RABGAP1L: variants seen among roughly 807,000 people sequenced by gnomAD.
RABGAP1L encodes the protein RAB GTPase activating protein 1 like.
In RABGAP1L, 63 loss-of-function variants were observed where a neutral mutation model predicts 137.7. That is an observed-to-expected ratio of 0.46 (90% CI 0.37 to 0.56). RABGAP1L has a LOEUF of 0.56. Among genes scored for constraint, RABGAP1L ranks in the 20% least tolerant of loss-of-function variants. RABGAP1L has a pLI of 0.00. For missense variants in RABGAP1L, 1,095 were observed against 1,244.0 expected, an observed-to-expected ratio of 0.88 and a Z score of 1.80; for synonymous variants, 431 against 433.7, an observed-to-expected ratio of 0.99 and a Z score of 0.08.
chr1:174,209,692 C>G (rs952490663), intron 1 of RABGAP1L, among the ~76,000 whole-genome samples: 5 of 152,202 alleles, frequency 3.3e-5, no homozygotes, highest in Admixed American at 6.5e-5. Flanking sequence ...AGGGGAAGGA[C>G]ACAAACCTGG....
chr1:174,300,162 C>T (rs1228577807), intron 10 of RABGAP1L, among the ~76,000 whole-genome samples: 1 of 152,126 alleles, frequency 6.6e-6, no homozygotes, highest in Non-Finnish European at 1.5e-5. Context: ...TCCCATATAC[C>T]TAAACATGTC....
Position 174,388,770 on chromosome 1 carries a change from A to G in RABGAP1L, c.1560-5225A>G, listed in dbSNP as rs561956977. On this transcript the variant is annotated intron_variant, in intron 12 of 25. Transcript: ENST00000681986. Reference sequence around the variant, plus strand: ...TCAACTTTTAGCAGGAAGAATATGCAGGAAGATTTTCTAACCAAAAAGACT... The same window carrying G: ...TCAACTTTTAGCAGGAAGAATATGCGGGAAGATTTTCTAACCAAAAAGACT... Among the ~76,000 whole-genome samples the G allele has an allele frequency of 4.6e-5, 7 of 152,244 alleles. No individual in the cohort carries two copies. The South Asian group carries it at 1.4e-3, about 32-fold the overall frequency.
intron 11 of RABGAP1L, among the ~76,000 whole-genome samples, chr1:174,351,651 A>T (rs1264011574): frequency 6.6e-6 from 1 of 151,916 alleles, no homozygotes; most frequent in East Asian, 1.9e-4. Context: ...TACAACCTTG[A>T]CCTTTGGGTG....
intron 17 of RABGAP1L, among the ~76,000 whole-genome samples, chr1:174,731,008 T>A (rs773533140): frequency 2.1e-4 from 32 of 152,210 alleles, no homozygotes; most frequent in Non-Finnish European, 4.1e-4. Context: ...AGCATCTCGC[T>A]CTGTTGCCCA....
At chr1:174,677,622 G>C (rs969955699) in intron 14 of RABGAP1L, among the ~76,000 whole-genome samples, 1 of 152,138 alleles carries the variant, frequency 6.6e-6, no homozygotes, top group East Asian at 1.9e-4. Flanking sequence ...TAGCCTTGGA[G>C]TTGGAATTGC....
intron 11 of RABGAP1L, among the ~76,000 whole-genome samples, chr1:174,337,185 G>C (rs529013719): frequency 3.9e-5 from 6 of 152,000 alleles, no homozygotes; most frequent in Non-Finnish European, 8.8e-5. Flanking sequence ...TCAGAGTTCA[G>C]ATGACTGTAA....
intron 11 of RABGAP1L, among the ~76,000 whole-genome samples, chr1:174,328,985 G>A (rs1197589407): frequency 1.4e-5 from 2 of 141,754 alleles, no homozygotes; most frequent in East Asian, 2.0e-4. Flanking sequence ...TTGAGGGAAG[G>A]AAAGAAATAA....
intron 11 of RABGAP1L, among the ~76,000 whole-genome samples, chr1:174,308,732 A>G (rs953476746): frequency 2.6e-5 from 4 of 151,890 alleles, no homozygotes; most frequent in African/African-American, 9.7e-5. Flanking sequence ...ATTGGTCTAT[A>G]TGTCTGTTTT....
At chr1:174,902,326 C>T (rs1298219515) in intron 19 of RABGAP1L, among the ~76,000 whole-genome samples, 1 of 152,120 alleles carries the variant, frequency 6.6e-6, no homozygotes. Context: ...GCTGCCTCTC[C>T]CCCCCAGGAA....
At chr1:174,800,302 CT>C in intron 18 of RABGAP1L, 1 of 1,540,156 alleles carries the variant, frequency 6.5e-7, no homozygotes, top group East Asian at 2.5e-5. Context: ...AGAGATCCAT[CT>C]TTCTCATTCT....
chr1:174,856,967 A>G (rs755305487), intron 19 of RABGAP1L, among the ~76,000 whole-genome samples: 14 of 152,092 alleles, frequency 9.2e-5, no homozygotes, highest in South Asian at 2.1e-4. Context: ...TAAAAGCCCC[A>G]GGATAAACAC....
chr1:174,341,727 T>C (rs980802895), intron 11 of RABGAP1L, among the ~76,000 whole-genome samples: 1 of 152,184 alleles, frequency 6.6e-6, no homozygotes, highest in Non-Finnish European at 1.5e-5. Context: ...TTCATTCTTA[T>C]CTTTGTTTTT....
At chr1:174,534,710 G>C (rs570526616) in intron 13 of RABGAP1L, among the ~76,000 whole-genome samples, 26 of 144,488 alleles carry the variant, frequency 1.8e-4, no homozygotes, top group African/African-American at 6.7e-4. Context: ...GGGAAGCAGA[G>C]GTTGCAGTGA....
Position 174,266,392 on chromosome 1 carries a change from A to T in RABGAP1L, c.987-6022A>T, listed in dbSNP as rs1355289617. ...AGAAGTAAGTAACCTGCAAAATCTGAGTAGACTGCTACCACTGGAAGGCAA... is the reference window on the plus strand; with the variant it reads ...AGAAGTAAGTAACCTGCAAAATCTGTGTAGACTGCTACCACTGGAAGGCAA... On this transcript the variant is annotated intron_variant, in intron 7 of 25. Transcript: ENST00000681986. Among the ~76,000 whole-genome samples, 4 of 152,310 alleles carry T rather than the reference A, an allele frequency of 2.6e-5. No homozygotes were observed. In the East Asian group the frequency reaches 7.7e-4, roughly 29 times the overall value.
intron 15 of RABGAP1L, among the ~76,000 whole-genome samples, chr1:174,699,185 G>T (rs914527536): frequency 6.6e-6 from 1 of 151,962 alleles, no homozygotes; most frequent in African/African-American, 2.4e-5. Context: ...TAGAGACAGG[G>T]TTTTGCCATG....
intron 19 of RABGAP1L, among the ~76,000 whole-genome samples, chr1:174,943,813 A>T (rs1666289989): frequency 1.3e-5 from 2 of 151,962 alleles, no homozygotes; most frequent in Non-Finnish European, 2.9e-5. Context: ...AGCCGGCGCG[A>T]CAGTGCGAGA....
intron 13 of RABGAP1L, among the ~76,000 whole-genome samples, chr1:174,563,877 T>C (rs1175600407): frequency 1.3e-5 from 2 of 152,074 alleles, no homozygotes; most frequent in Non-Finnish European, 2.9e-5. Context: ...CAGCCAGAGA[T>C]TAAAGTCACA....
At chr1:174,811,783 C>T in intron 18 of RABGAP1L, 49 bp from the exon 19 acceptor site, 1 of 1,440,846 alleles carries the variant, frequency 6.9e-7, no homozygotes, top group Non-Finnish European at 9.2e-7. Flanking sequence ...TATATTTGTC[C>T]TCAAAGCAGG....
At chr1:174,872,602 C>T (rs1453563981) in intron 19 of RABGAP1L, among the ~76,000 whole-genome samples, 3 of 151,612 alleles carry the variant, frequency 2.0e-5, no homozygotes, top group African/African-American at 4.8e-5. Flanking sequence ...TATTCTGTCA[C>T]CCAGGCTGGA....
Sources: allele counts gnomAD v4.1 joint callset (sites outside exome capture counted in the v4.1 genomes callset), GRCh38; gene constraint gnomAD v4.1.1; transcripts MANE v1.5; gene names NCBI Gene and HGNC (gene_info 2026-07-23, HGNC 2026-07-21).